STIM2: variants seen among roughly 807,000 people sequenced by gnomAD.
STIM2 encodes the protein stromal interaction molecule 2.
In STIM2, 31 loss-of-function variants were observed where a neutral mutation model predicts 85.8. That is an observed-to-expected ratio of 0.36 (90% confidence interval 0.27 to 0.49). The LOEUF (loss-of-function observed/expected upper bound fraction) is 0.49, where lower values mean the gene tolerates loss of function less well. Among genes scored for constraint, STIM2 ranks in the 20% least tolerant of loss-of-function variants. The pLI is 0.98. For missense variants in STIM2, 841 were observed against 927.6 expected (o/e 0.91, Z 1.21); for synonymous variants, 356 against 331.1 (o/e 1.08, Z -0.82).
chr4:27,018,381 C>G (rs1728805794), intron 11 of STIM2, among the ~76,000 whole-genome samples: 1 of 152,172 alleles, frequency 6.6e-6, no homozygotes, highest in African/African-American at 2.4e-5. Context: ...TCCACTGTTC[C>G]TTGCCACAGG....
chr4:26,959,856 C>A (rs529180852), intron 3 of STIM2, among the ~76,000 whole-genome samples: 6 of 152,236 alleles, frequency 3.9e-5, no homozygotes, highest in African/African-American at 1.4e-4. Flanking sequence ...TAAGTTATCT[C>A]CTCTCTGCTT....
chr4:26,966,761 T>C lies in STIM2; in HGVS notation c.397+9035T>C, dbSNP rs563628648. Among the ~76,000 whole-genome samples the C allele has an allele frequency of 2.6e-5, 4 of 152,232 alleles. No individual in the cohort carries two copies. In the South Asian group the frequency reaches 8.3e-4, roughly 32 times the overall value. ...TGTATAGCTCAGAGGAAATGAATGA[T>C]AAAAATAGAATAAATCACTTAGCAT... On this transcript the variant is annotated intron_variant, in intron 3 of 11. Coordinates refer to ENST00000467087, the MANE Select transcript of STIM2 (RefSeq NM_020860.4).
At chr4:26,916,467 A>C (rs1283846001) in intron 1 of STIM2, among the ~76,000 whole-genome samples, 1 of 152,064 alleles carries the variant, frequency 6.6e-6, no homozygotes, top group Non-Finnish European at 1.5e-5. Flanking sequence ...TTCCACTGTC[A>C]CCAGAGGGAT....
intron 4 of STIM2, among the ~76,000 whole-genome samples, chr4:26,998,861 G>A (rs991283902): frequency 2.3e-4 from 35 of 150,860 alleles, no homozygotes; most frequent in Admixed American, 3.3e-4. Flanking sequence ...GCAGAGAGCC[G>A]AGATCGAACC....
At chr4:26,988,348 T>A (rs1034708630) in intron 3 of STIM2, among the ~76,000 whole-genome samples, 5 of 152,118 alleles carry the variant, frequency 3.3e-5, no homozygotes, top group African/African-American at 1.2e-4. Flanking sequence ...GAAAACTTCA[T>A]GAAGGAGGGA....
rs116777796 is a variant in STIM2 at position 26,933,243 on chromosome 4, T to A, written c.282+13609T>A. 8.9e-3 allele frequency among the ~76,000 whole-genome samples: 1,359 copies of A among 152,260 alleles called. 29 individuals carry two copies. Among genetic ancestry groups the A allele is most frequent in the African/African-American group, 0.031 (1,301 of 41,558 alleles). The stretch of plus-strand genomic sequence containing the variant: ...GAATTCTTCATTTTTTCATATCTGT[T>A]CTTATGAAAACATTTTATCGTACTT... On this transcript the variant is annotated intron_variant, in intron 2 of 11. Transcript: ENST00000467087.
At chr4:26,996,417 T>G (rs1398369747) in intron 4 of STIM2, among the ~76,000 whole-genome samples, 1 of 152,062 alleles carries the variant, frequency 6.6e-6, no homozygotes, top group South Asian at 2.1e-4. Flanking sequence ...AATCTAATCA[T>G]TATATGTAAT....
intron 1 of STIM2, among the ~76,000 whole-genome samples, chr4:26,895,271 T>C (rs775641235): frequency 5.9e-5 from 9 of 152,224 alleles, no homozygotes; most frequent in Non-Finnish European, 8.8e-5. Context: ...AAGTCTGTTT[T>C]AGTGGCTCTC....
chr4:26,993,626 C>T (rs1360816071), intron 3 of STIM2, among the ~76,000 whole-genome samples: 1 of 152,078 alleles, frequency 6.6e-6, no homozygotes, highest in African/African-American at 2.4e-5. Flanking sequence ...TTGATCTCTT[C>T]TGTAGTCTAT....
At chr4:27,018,050 G>A in intron 11 of STIM2, 66 bp downstream of exon 11, 1 of 1,549,098 alleles carries the variant, frequency 6.5e-7, no homozygotes. Flanking sequence ...TGAGGAGGGG[G>A]CGGGAGGAGT....
chr4:26,991,009 G>A (rs141852039), intron 3 of STIM2, among the ~76,000 whole-genome samples: 2 of 152,190 alleles, frequency 1.3e-5, no homozygotes, highest in East Asian at 3.9e-4. Flanking sequence ...AGTTATTAAG[G>A]AAAACAGTAT....
chr4:26,932,990 C>G (rs559563837), intron 2 of STIM2, among the ~76,000 whole-genome samples: 1 of 152,154 alleles, frequency 6.6e-6, no homozygotes, highest in South Asian at 2.1e-4. Flanking sequence ...TGAGAAAAGA[C>G]ATGAGAAAGC....
chr4:27,014,391 A>C (rs1286035122), intron 10 of STIM2, among the ~76,000 whole-genome samples: 8 of 151,832 alleles, frequency 5.3e-5, no homozygotes, highest in Non-Finnish European at 1.0e-4. Flanking sequence ...AAATATTAAA[A>C]GGTTTTTAAT....
chr4:26,908,764 G>A (rs949386089), intron 1 of STIM2, among the ~76,000 whole-genome samples: 6 of 152,312 alleles, frequency 3.9e-5, no homozygotes, highest in Admixed American at 2.6e-4. Flanking sequence ...GATTAGAGGC[G>A]TGAGCCACTG....
At chr4:26,909,601 G>A (rs79956637) in intron 1 of STIM2, among the ~76,000 whole-genome samples, 2,223 of 152,282 alleles carry the variant, frequency 0.015, 50 homozygotes, top group African/African-American at 0.051. Flanking sequence ...TTTCTCTAGT[G>A]TTGATATAGT....
In STIM2 at chr4:26,894,588, A is replaced by G. The variant is rs1400466675; in HGVS notation, c.152-24916A>G. On this transcript the variant is annotated intron_variant, in intron 1 of 11. Coordinates refer to ENST00000467087, the MANE Select transcript of STIM2 (RefSeq NM_020860.4). ...ATTTTCCCCACTAATCTGTGGTGCTAGTTGTGTCGTATAGCAAGTGTCTGT... is the reference window on the plus strand; with the variant it reads ...ATTTTCCCCACTAATCTGTGGTGCTGGTTGTGTCGTATAGCAAGTGTCTGT... 2.7e-5 allele frequency among the ~76,000 whole-genome samples: 4 copies of G among 150,114 alleles called. No homozygotes were observed. In the East Asian group the frequency reaches 7.8e-4, roughly 29 times the overall value.
At chr4:26,893,910 A>G (rs554415469) in intron 1 of STIM2, among the ~76,000 whole-genome samples, 1 of 151,700 alleles carries the variant, frequency 6.6e-6, no homozygotes, top group East Asian at 1.9e-4. Context: ...ATTTTTTGAG[A>G]CAGAGTCTTG....
chr4:26,861,567 G>T, intron 1 of STIM2, 198 bp downstream of exon 1: 3 of 802,134 alleles, frequency 3.7e-6, no homozygotes, highest in Non-Finnish European at 5.0e-6. Context: ...CCCCGCCCTC[G>T]CCGAGCCTCT....
intron 3 of STIM2, among the ~76,000 whole-genome samples, chr4:26,962,355 TG>T (rs1726506464): frequency 2.0e-5 from 3 of 152,222 alleles, no homozygotes; most frequent in Non-Finnish European, 4.4e-5. Context: ...TTCAAAGTTT[TG>T]TACTGTTTTT....
Sources: allele counts gnomAD v4.1 joint callset (sites outside exome capture counted in the v4.1 genomes callset), GRCh38; gene constraint gnomAD v4.1.1; transcripts MANE v1.5; gene names NCBI Gene and HGNC (gene_info 2026-07-23, HGNC 2026-07-21).